The following PARD3B variants were observed in gnomAD, a reference collection of about 807,000 sequenced individuals.
PARD3B encodes the protein par-3 family cell polarity regulator beta, also known as partitioning defective 3 homolog B.
In PARD3B, 103 loss-of-function variants were observed where a neutral mutation model predicts 130.2. That is an observed-to-expected ratio of 0.79 (90% CI 0.67 to 0.93). The LOEUF (loss-of-function observed/expected upper bound fraction) is 0.93. Ranked by LOEUF, PARD3B falls within the 40% of genes least tolerant of loss-of-function variation. The pLI is 0.00. For missense variants in PARD3B, 1,609 were observed against 1,499.2 expected (o/e 1.07, Z -1.21); for synonymous variants, 583 against 553.2 (o/e 1.05, Z -0.76).
At chr2:205,079,458 A>G (rs75206528) in intron 4 of PARD3B, among the ~76,000 whole-genome samples, 1 of 152,178 alleles carries the variant, frequency 6.6e-6, no homozygotes, top group African/African-American at 2.4e-5. Context: ...GTATCCTTAC[A>G]TGACAGAAGG....
intron 22 of PARD3B, among the ~76,000 whole-genome samples, chr2:205,569,331 T>A (rs2336600): frequency 6.6e-6 from 1 of 151,962 alleles, no homozygotes; most frequent in East Asian, 1.9e-4. Context: ...GCTATCTTTA[T>A]GGTAATATAA....
At chr2:205,571,896 C>G (rs1445340591) in intron 22 of PARD3B, among the ~76,000 whole-genome samples, 1 of 152,156 alleles carries the variant, frequency 6.6e-6, no homozygotes, top group Non-Finnish European at 1.5e-5. Context: ...AAGAAAGTTA[C>G]AGGGAATCTG....
At chr2:205,082,436 G>C (rs1464510605) in intron 4 of PARD3B, among the ~76,000 whole-genome samples, 1 of 152,164 alleles carries the variant, frequency 6.6e-6, no homozygotes, top group Non-Finnish European at 1.5e-5. Context: ...ATGTGTGTTT[G>C]CTTTCATGCT....
At chr2:204,715,840 T>C (rs2125309333) in intron 2 of PARD3B, among the ~76,000 whole-genome samples, 1 of 152,332 alleles carries the variant, frequency 6.6e-6, no homozygotes, top group South Asian at 2.1e-4. Flanking sequence ...GCTGCCATTC[T>C]ACATTGCTTT....
chr2:205,557,079 C>T (rs1023207039), intron 22 of PARD3B, among the ~76,000 whole-genome samples: 3 of 152,092 alleles, frequency 2.0e-5, no homozygotes, highest in South Asian at 2.1e-4. Flanking sequence ...TGTGCATCGG[C>T]GCATGATATT....
chr2:205,545,418 C>A (rs1352848976), intron 21 of PARD3B, among the ~76,000 whole-genome samples: 1 of 152,186 alleles, frequency 6.6e-6, no homozygotes, highest in African/African-American at 2.4e-5. Context: ...ATGTGGAACA[C>A]TTCTCCAAAA....
At chr2:204,602,776 G>T (rs1231266144) in intron 1 of PARD3B, among the ~76,000 whole-genome samples, 1 of 152,056 alleles carries the variant, frequency 6.6e-6, no homozygotes, top group Non-Finnish European at 1.5e-5. Flanking sequence ...GGCATATTGT[G>T]TAAGCCAGTT....
rs1234429772 is a variant in PARD3B at position 205,584,592 on chromosome 2, C to T, written c.3261-30864C>T. Among the ~76,000 whole-genome samples the T allele has an allele frequency of 6.6e-6, 1 of 152,028 alleles. No individual in the cohort carries two copies. ...ACTCGGGAGGCTGAGGCAGGAGAAT[C>T]GCTTGAACCCGGGAGGCAGAGGTTG... is the stretch of plus-strand genomic sequence containing the variant. On this transcript the variant is annotated intron_variant, in intron 22 of 22. Transcript: ENST00000406610. This position sits in a 1 kb window ranked among gnomAD's most constrained non-coding sequence, Gnocchi z 5.5.
intron 2 of PARD3B, among the ~76,000 whole-genome samples, chr2:204,927,015 A>G (rs1386026656): frequency 6.6e-6 from 1 of 152,060 alleles, no homozygotes; most frequent in Non-Finnish European, 1.5e-5. Context: ...AGGCAGAATT[A>G]TGATACCCCC....
In PARD3B at chr2:204,744,788, A is replaced by G. The variant is rs1176050113; in HGVS notation, c.222+58506A>G. On this transcript the variant is annotated intron_variant, in intron 2 of 22. Coordinates refer to ENST00000406610, the MANE Select transcript of PARD3B (RefSeq NM_001302769.2). ...GGCGGAAAACAGTGAAGTTTGTGGA[A>G]TAGAACCATGAGGAAATTAAAGAAT... Among the ~76,000 whole-genome samples the G allele has an allele frequency of 6.6e-5, 10 of 152,266 alleles. No individual in the cohort carries two copies. The East Asian group carries it at 1.9e-3, about 29-fold the overall frequency.
At chr2:204,585,825 A>C (rs933857099) in intron 1 of PARD3B, among the ~76,000 whole-genome samples, 1 of 152,178 alleles carries the variant, frequency 6.6e-6, no homozygotes, top group Non-Finnish European at 1.5e-5. Flanking sequence ...ATAGTTTTAA[A>C]AATACGCATT....
At chr2:205,464,747 G>T (rs1023354205) in intron 20 of PARD3B, among the ~76,000 whole-genome samples, 1 of 152,166 alleles carries the variant, frequency 6.6e-6, no homozygotes, top group Admixed American at 6.5e-5. Context: ...CCAGATAGTT[G>T]TGTCTGTTGT....
At chr2:205,019,593 A>G (rs1039801790) in intron 3 of PARD3B, among the ~76,000 whole-genome samples, 2 of 152,164 alleles carry the variant, frequency 1.3e-5, no homozygotes, top group African/African-American at 4.8e-5. Context: ...ACCACTTTAC[A>G]TTCCCACCAG....
chr2:205,057,891 T>C (rs1000040785), intron 4 of PARD3B, among the ~76,000 whole-genome samples: 8 of 151,672 alleles, frequency 5.3e-5, no homozygotes, highest in South Asian at 2.1e-4. Flanking sequence ...AAAAAAGACT[T>C]TTTTCTCTTT....
intron 2 of PARD3B, among the ~76,000 whole-genome samples, chr2:204,809,241 T>C (rs925079454): frequency 3.3e-5 from 5 of 152,102 alleles, no homozygotes; most frequent in Middle Eastern, 3.2e-3. Context: ...GTTTACTCTG[T>C]TGAAAGTTTC....
At chr2:204,847,534 A>G (rs915277637) in intron 2 of PARD3B, among the ~76,000 whole-genome samples, 48 of 152,290 alleles carry the variant, frequency 3.2e-4, no homozygotes, top group Admixed American at 2.0e-3. Context: ...CACAATTCAT[A>G]TGTTTCAAGT....
At chr2:205,153,666 C>T (rs1346609647) in intron 10 of PARD3B, among the ~76,000 whole-genome samples, 3 of 151,884 alleles carry the variant, frequency 2.0e-5, no homozygotes, top group Non-Finnish European at 4.4e-5. Context: ...CTACAGTAAC[C>T]AAAACAGCAT....
chr2:205,587,818 C>A, intron 22 of PARD3B, among the ~76,000 whole-genome samples: 1 of 152,178 alleles, frequency 6.6e-6, no homozygotes, highest in East Asian at 1.9e-4. Flanking sequence ...CTTTTTCTGC[C>A]CCCTTCTCTT....
intron 15 of PARD3B, among the ~76,000 whole-genome samples, chr2:205,218,228 A>T (rs1273047942): frequency 6.6e-6 from 1 of 152,004 alleles, no homozygotes; most frequent in Admixed American, 6.6e-5. Context: ...TTGTTGAAGC[A>T]ATTCTTCTGA....
Sources: allele counts gnomAD v4.1 joint callset (sites outside exome capture counted in the v4.1 genomes callset), GRCh38; gene constraint gnomAD v4.1.1; non-coding constraint Gnocchi (gnomAD v3.1); transcripts MANE v1.5; gene names NCBI Gene and HGNC (gene_info 2026-07-23, HGNC 2026-07-21).